Variants in KLHL20 observed in about 807,000 individuals in gnomAD.
The protein encoded by KLHL20 is kelch like family member 20, also known as kelch-like protein 20.
KLHL20 carries 29 observed loss-of-function variants against 69.5 expected under a neutral mutation model. The ratio of observed to expected loss-of-function variants is 0.42; its 90% CI spans 0.31 to 0.57. KLHL20 has a LOEUF of 0.57. KLHL20 is among the 20% of genes least tolerant of loss of function. The probability of loss-of-function intolerance (pLI) is 0.18; values close to 1 mark genes in which losing one functional copy is unlikely to be tolerated. For missense variants in KLHL20, 419 were observed against 776.0 expected, an observed-to-expected ratio of 0.54 and a Z score of 5.47; for synonymous variants, 253 against 265.2, an observed-to-expected ratio of 0.95 and a Z score of 0.45.
chr1:173,755,246 A>G (rs1571901909), intron 5 of KLHL20, among the ~76,000 whole-genome samples: 1 of 152,058 alleles, frequency 6.6e-6, no homozygotes, highest in East Asian at 1.9e-4. Flanking sequence ...TTTAGTAGAG[A>G]CGGGGTTTCA....
At chr1:173,779,868 T>C (rs948196735) in intron 10 of KLHL20, among the ~76,000 whole-genome samples, 1 of 152,208 alleles carries the variant, frequency 6.6e-6, no homozygotes, top group African/African-American at 2.4e-5. Flanking sequence ...ATCTATAGTA[T>C]AGACCAGATC....
At chr1:173,781,786 A>G (rs1648897236) in intron 10 of KLHL20, 1 of 179,858 alleles carries the variant, frequency 5.6e-6, no homozygotes, top group Non-Finnish European at 1.2e-5. Context: ...TATTTTTAAA[A>G]GAGAATTTTA....
intron 11 of KLHL20, among the ~76,000 whole-genome samples, chr1:173,784,958 ATC>A (rs1649112757): frequency 6.6e-6 from 1 of 152,226 alleles, no homozygotes; most frequent in South Asian, 2.1e-4. Flanking sequence ...ATGTCAGTCA[ATC>A]TCTGAAACAG....
intron 7 of KLHL20, among the ~76,000 whole-genome samples, chr1:173,760,206 A>G (rs1558210708): frequency 6.6e-6 from 1 of 152,302 alleles, no homozygotes; most frequent in East Asian, 1.9e-4. Context: ...CAAGCCTCCA[A>G]AAAGTCTGGG....
chr1:173,734,310 T>C (rs138325761), intron 3 of KLHL20, 24 bp downstream of exon 3: 1 of 1,605,118 alleles, frequency 6.2e-7, no homozygotes, highest in Admixed American at 1.7e-5. Context: ...GGTGTTCCAA[T>C]GCACCCATTT....
chr1:173,722,360 A>ACTTGTGATCCCAGCACTTTGG (rs1298587261), intron 2 of KLHL20, among the ~76,000 whole-genome samples: 1 of 152,052 alleles, frequency 6.6e-6, no homozygotes, highest in East Asian at 1.9e-4. Context: ...AGTGGCCTAC[A>ACTTGTGATCCCAGCACTTTGG]CTTGTGATCC....
At chr1:173,733,691 C>T (rs1295342428) in intron 2 of KLHL20, 22 bp from the exon 3 acceptor site, 3 of 1,545,342 alleles carry the variant, frequency 1.9e-6, no homozygotes, top group African/African-American at 1.4e-5. Context: ...CATCTTCTCT[C>T]TCTCCCCCAT....
chr1:173,726,367 TAA>T lies in KLHL20; in HGVS notation c.24-7344_24-7343del, dbSNP rs200401102. Among the ~76,000 whole-genome samples the T allele has an allele frequency of 2.3e-3, 353 of 151,430 alleles. 16 individuals carry two copies. The East Asian group carries it at 0.061, about 26-fold the overall frequency. ...AAGGCAGCAGAAACCTCTGCACACT[TAA>T]ATGTCCCTGTCTGACAGCTTTGAAG... is the stretch of plus-strand genomic sequence containing the variant. On this transcript the variant is annotated intron_variant, in intron 2 of 11. Coordinates refer to ENST00000209884, the MANE Select transcript of KLHL20 (RefSeq NM_014458.4).
At chr1:173,716,149 A>G (rs543789256) in intron 2 of KLHL20, 83 bp downstream of exon 2, 2 of 1,325,752 alleles carry the variant, frequency 1.5e-6, no homozygotes, top group Non-Finnish European at 2.1e-6. Flanking sequence ...AAGAGTTTCA[A>G]TCTTACTAAA....
intron 1 of KLHL20, 86 bp from the exon 2 acceptor site, chr1:173,715,917 G>T: frequency 1.0e-6 from 1 of 960,732 alleles, no homozygotes; most frequent in South Asian, 1.6e-5. Context: ...GATAACTGAC[G>T]AAATGAGTGA....
chr1:173,715,464 G>A (rs1377702672), intron 1 of KLHL20: 1 of 152,370 alleles, frequency 6.6e-6, no homozygotes, highest in African/African-American at 2.4e-5. Context: ...ATCGGGGACT[G>A]AAGGAAATGC....
chr1:173,751,035 GTAA>G (rs1673287849), intron 3 of KLHL20, among the ~76,000 whole-genome samples: 1 of 152,178 alleles, frequency 6.6e-6, no homozygotes, highest in Non-Finnish European at 1.5e-5. Flanking sequence ...AGTCTCGTGA[GTAA>G]TAATATAACA....
intron 2 of KLHL20, among the ~76,000 whole-genome samples, chr1:173,725,796 C>G (rs1671927847): frequency 6.6e-6 from 1 of 152,186 alleles, no homozygotes; most frequent in Non-Finnish European, 1.5e-5. Context: ...AGGAACAGCT[C>G]CAGTCTACAG....
At chr1:173,763,807 C>A (rs976335242) in intron 7 of KLHL20, among the ~76,000 whole-genome samples, 4 of 151,262 alleles carry the variant, frequency 2.6e-5, no homozygotes, top group Admixed American at 1.3e-4. Context: ...TTGGAAAAAC[C>A]CCTCTTGACA....
At chr1:173,755,162 G>A (rs767517633) in intron 5 of KLHL20, among the ~76,000 whole-genome samples, 3 of 149,886 alleles carry the variant, frequency 2.0e-5, no homozygotes, top group South Asian at 2.1e-4. Flanking sequence ...AAGTTCAACC[G>A]ATTCTCCTGC....
intron 3 of KLHL20, among the ~76,000 whole-genome samples, chr1:173,746,806 T>C (rs1673079960): frequency 6.6e-6 from 1 of 152,016 alleles, no homozygotes; most frequent in Non-Finnish European, 1.5e-5. Context: ...TCTAGCTGTT[T>C]GAGTTGAGAC....
intron 6 of KLHL20, 83 bp downstream of exon 6, chr1:173,756,121 T>C: frequency 3.3e-6 from 3 of 918,070 alleles, no homozygotes; most frequent in South Asian, 1.5e-5. Flanking sequence ...TGGACAATTA[T>C]GATATTTACT....
Position 173,774,422 on chromosome 1 carries a change from A to T in KLHL20, c.1413A>T (p.Thr471=). The T allele has an allele frequency of 6.2e-7, 1 of 1,614,088 alleles. No homozygotes were observed. Among genetic ancestry groups the T allele is most frequent in the Non-Finnish European group, 8.5e-7 (1 of 1,180,016 alleles). ...FLYAVGGSDG[T]SPLNTVERYN... is the part of the protein sequence containing the mutation. ...ATGCTGTAGGTGGCTCTGACGGGACATCTCCTCTCAACACAGGTTAGTCCC... is the reference window on the plus strand; with the variant it reads ...ATGCTGTAGGTGGCTCTGACGGGACTTCTCCTCTCAACACAGGTTAGTCCC... Residue 471 remains threonine (T), a synonymous_variant, in exon 9 of 12, where the codon ACA becomes ACT. Coordinates refer to ENST00000209884, the MANE Select transcript of KLHL20 (RefSeq NM_014458.4).
At position 173,781,561 on chromosome 1, in the gene KLHL20, C is replaced by T. The variant is rs777244011; in HGVS notation, c.1639-563C>T. ...GAACTCCTGGGCTCAAGCGATCCAC[C>T]GACCTCAGCCTCCCAAAGTGAGAAA... On this transcript the variant is annotated intron_variant, in intron 10 of 11. Transcript: ENST00000209884. Among the ~76,000 whole-genome samples the T allele has an allele frequency of 4.7e-4, 71 of 152,266 alleles. 1 individual carries two copies. Among genetic ancestry groups the T allele is most frequent in the Admixed American group, 1.8e-3 (28 of 15,298 alleles).
Sources: gnomAD v4.1 joint callset for allele counts (sites outside exome capture counted in the v4.1 genomes callset) on GRCh38, gnomAD v4.1.1 for gene constraint, MANE v1.5 for transcripts, NCBI Gene and HGNC (gene_info 2026-07-23, HGNC 2026-07-21) for gene names.